The following CHAF1B variants were observed in gnomAD, a reference collection of about 807,000 sequenced individuals.
The protein encoded by CHAF1B is chromatin assembly factor 1 subunit B.
Under a neutral mutation model 60.7 loss-of-function variants are expected in CHAF1B, and 10 were observed. The ratio of observed to expected loss-of-function variants is 0.16; its 90% CI spans 0.10 to 0.28. The LOEUF is 0.28. Among genes scored for constraint, CHAF1B ranks in the 10% least tolerant of loss-of-function variants. The pLI, the probability that CHAF1B is intolerant of heterozygous loss-of-function variation, is 1.00. For synonymous variants in CHAF1B, 261 were observed against 266.1 expected (o/e 0.98, Z 0.19); for missense variants, 558 against 708.4 (o/e 0.79, Z 2.41).
intron 8 of CHAF1B, among the ~76,000 whole-genome samples, chr21:36,407,376 C>CA (rs2086246561): frequency 6.6e-6 from 1 of 151,122 alleles, no homozygotes; most frequent in South Asian, 2.1e-4. Context: ...AACCAAAAGC[C>CA]AAAAAAATAC....
At chr21:36,411,381 T>C (rs2086276896) in intron 10 of CHAF1B, 82 bp from the exon 11 acceptor site, 1 of 1,557,442 alleles carries the variant, frequency 6.4e-7, no homozygotes, top group African/African-American at 1.4e-5. Flanking sequence ...CCCAAAGTGC[T>C]GGGATTCTAG....
chr21:36,416,116 C>A (rs142917506), intron 13 of CHAF1B, among the ~76,000 whole-genome samples, 159 bp from the exon 14 acceptor site: 7 of 152,282 alleles, frequency 4.6e-5, no homozygotes, highest in East Asian at 3.9e-4. Flanking sequence ...GCAAAATCGC[C>A]CCTGGTTGAG....
In CHAF1B at chr21:36,387,449, G is replaced by A. The variant is rs1371345844; in HGVS notation, c.127-149G>A. 3.4e-6 allele frequency: 3 copies of A among 894,210 alleles called. No homozygotes were observed. The African/African-American group carries it at 5.1e-5, about 15-fold the overall frequency. 55.4% of individuals were successfully genotyped at this position (894,210 alleles called of 1,614,324 possible). On this transcript the variant is annotated intron_variant, in intron 2 of 13. Coordinates refer to ENST00000314103, the MANE Select transcript of CHAF1B (RefSeq NM_005441.3). ...GTTTCCAGGCTGGTCTTGAACTCCT[G>A]GCCTCAAGTGATTTACCCACCTTGG...
Position 36,397,605 on chromosome 21 carries a change from C to T in CHAF1B, c.578+94C>T, listed in dbSNP as rs145118140. On this transcript the variant is annotated intron_variant, in intron 6 of 13. Coordinates refer to ENST00000314103, the MANE Select transcript of CHAF1B (RefSeq NM_005441.3). ...TTATCGTAACTTAGCCAAGATTTAT[C>T]ATAGTCTAACTTTGATTCTTTTGTT... 485 of 527,946 alleles carry T rather than the reference C, an allele frequency of 9.2e-4. 10 individuals are homozygous for T. In the East Asian group the frequency reaches 0.015, roughly 17 times the overall value. The allele number at this position is 527,946 out of a possible 1,614,324, so 32.7% of individuals were successfully genotyped here.
intron 8 of CHAF1B, among the ~76,000 whole-genome samples, chr21:36,403,995 C>G (rs1316595473): frequency 1.3e-5 from 2 of 151,986 alleles, no homozygotes; most frequent in South Asian, 2.1e-4. Flanking sequence ...GCGAATGACA[C>G]TTTGGCCCAA....
At chr21:36,405,554 CT>C (rs1276759804) in intron 8 of CHAF1B, among the ~76,000 whole-genome samples, 1 of 152,088 alleles carries the variant, frequency 6.6e-6, no homozygotes, top group Non-Finnish European at 1.5e-5. Flanking sequence ...CTCAGCCTCC[CT>C]ACTAGCTGGG....
Position 36,400,472 on chromosome 21 carries a change from A to AAAAT in CHAF1B, c.663+883_663+886dup, listed in dbSNP as rs544530373. Reference sequence around the variant, plus strand: ...GGTGACAAGAGCGAAACTCAGTCTCAAAATAAATAAATAAATAAAAATAAA... The same window carrying AAAAT: ...GGTGACAAGAGCGAAACTCAGTCTCAAAATAAATAAATAAATAAATAAAAATAAA... On this transcript the variant is annotated intron_variant, in intron 7 of 13. Transcript: ENST00000314103. Among the ~76,000 whole-genome samples the AAAAT allele has an allele frequency of 2.1e-4, 32 of 152,224 alleles. 1 individual carries two copies. In the South Asian group the frequency reaches 6.6e-3, roughly 32 times the overall value.
intron 7 of CHAF1B, among the ~76,000 whole-genome samples, chr21:36,402,475 A>G (rs2086198849): frequency 6.6e-6 from 1 of 152,246 alleles, no homozygotes; most frequent in African/African-American, 2.4e-5. Flanking sequence ...TTAGAACCAC[A>G]TAAAACACAC....
rs1368761214 is a variant in CHAF1B, at chr21:36,386,117, C to G, written c.-20C>G. On this transcript the variant is annotated 5_prime_UTR_variant, in exon 2 of 14. Coordinates refer to ENST00000314103, the MANE Select transcript of CHAF1B (RefSeq NM_005441.3). Reference sequence around the variant, plus strand: ...AGAACGGTGCCCGAGAAACGTTTTTCCCCTTCGAGACTCAGGAGGATGAAA... The same window carrying G: ...AGAACGGTGCCCGAGAAACGTTTTTGCCCTTCGAGACTCAGGAGGATGAAA... The G allele has an allele frequency of 1.2e-6, 2 of 1,613,166 alleles. No homozygotes were observed. Among genetic ancestry groups the G allele is most frequent in the Non-Finnish European group, 8.5e-7 (1 of 1,179,606 alleles).
intron 13 of CHAF1B, 51 bp from the exon 14 acceptor site, chr21:36,416,224 C>T: frequency 6.7e-7 from 1 of 1,501,806 alleles, no homozygotes; most frequent in Non-Finnish European, 9.2e-7. Context: ...CAGCCCTTGA[C>T]TTCCAGAATT....
intron 6 of CHAF1B, 92 bp downstream of exon 6, chr21:36,397,603 A>G: frequency 3.6e-6 from 2 of 558,870 alleles, no homozygotes; most frequent in Non-Finnish European, 6.2e-6. Flanking sequence ...GCCAAGATTT[A>G]TCATAGTCTA....
chr21:36,400,307 C>T (rs2086176818), intron 7 of CHAF1B, among the ~76,000 whole-genome samples: 1 of 151,966 alleles, frequency 6.6e-6, no homozygotes, highest in East Asian at 1.9e-4. Context: ...TGGTGAAACC[C>T]TGTCTCTACA....
Position 36,407,269 on chromosome 21 carries a change from T to C in CHAF1B, c.758-1492T>C, listed in dbSNP as rs550548749. 1.9e-4 allele frequency among the ~76,000 whole-genome samples: 28 copies of C among 150,498 alleles called. 1 individual carries two copies. In the South Asian group the frequency reaches 5.7e-3, roughly 30 times the overall value. On this transcript the variant is annotated intron_variant, in intron 8 of 13. Coordinates refer to ENST00000314103, the MANE Select transcript of CHAF1B (RefSeq NM_005441.3). ...GTGAGCCAAGATCGCACCACTGCAC[T>C]CTAGCCTGGGCAACAGAGTGAGACT...
At chr21:36,406,506 A>G (rs2086239223) in intron 8 of CHAF1B, among the ~76,000 whole-genome samples, 1 of 151,846 alleles carries the variant, frequency 6.6e-6, no homozygotes. Flanking sequence ...GGGTGGTCTC[A>G]AACTTCTGAT....
chr21:36,411,264 C>A (rs2146375912), intron 10 of CHAF1B, among the ~76,000 whole-genome samples, 199 bp from the exon 11 acceptor site: 1 of 152,084 alleles, frequency 6.6e-6, no homozygotes, highest in Non-Finnish European at 1.5e-5. Context: ...CAGGCACACA[C>A]CCCCACGCCT....
chr21:36,408,572 GA>G (rs1048285544), intron 8 of CHAF1B, among the ~76,000 whole-genome samples, 188 bp from the exon 9 acceptor site: 4 of 152,216 alleles, frequency 2.6e-5, no homozygotes, highest in African/African-American at 9.6e-5. Flanking sequence ...GGTAGAACTG[GA>G]GTAAGGGCTG....
At chr21:36,392,822 G>T (rs2086102687) in intron 4 of CHAF1B, among the ~76,000 whole-genome samples, 1 of 152,198 alleles carries the variant, frequency 6.6e-6, no homozygotes, top group Non-Finnish European at 1.5e-5. Context: ...CGGCCGGGCA[G>T]AGGCTGCAAT....
intron 5 of CHAF1B, 69 bp downstream of exon 5, chr21:36,394,719 A>C: frequency 9.6e-7 from 1 of 1,038,804 alleles, no homozygotes; most frequent in East Asian, 2.6e-5. Flanking sequence ...TAAAAGTCTA[A>C]CTTGCTTTAA....
intron 12 of CHAF1B, 24 bp downstream of exon 12, chr21:36,413,339 G>A (rs747226536): frequency 1.0e-5 from 16 of 1,527,798 alleles, no homozygotes; most frequent in Non-Finnish European, 1.4e-5. Context: ...GGAACAAGAT[G>A]TCATTGCAAA....
Sources: gnomAD v4.1 joint callset for allele counts (sites outside exome capture counted in the v4.1 genomes callset) on GRCh38, gnomAD v4.1.1 for gene constraint, MANE v1.5 for transcripts, NCBI Gene and HGNC (gene_info 2026-07-23, HGNC 2026-07-21) for gene names.